The following SCAMP5 variants were observed in gnomAD, a reference collection of about 807,000 sequenced individuals.
SCAMP5 encodes the protein secretory carrier-associated membrane protein 5.
SCAMP5 carries 7 observed loss-of-function variants against 28.3 expected under a neutral mutation model. The ratio of observed to expected loss-of-function variants is 0.25; its 90% CI spans 0.14 to 0.46. SCAMP5 has a LOEUF of 0.46. Among genes scored for constraint, SCAMP5 ranks in the 20% least tolerant of loss-of-function variants. SCAMP5 has a pLI of 0.99. For synonymous variants in SCAMP5, 117 were observed against 116.4 expected (o/e 1.00, Z -0.03); for missense variants, 192 against 312.5 (o/e 0.61, Z 2.91).
intron 1 of SCAMP5, among the ~76,000 whole-genome samples, chr15:74,999,782 C>T (rs1421934843): frequency 6.6e-6 from 1 of 152,142 alleles, no homozygotes; most frequent in Non-Finnish European, 1.5e-5. Context: ...AGCCTGCTGA[C>T]AGAGAGAGAC....
chr15:75,013,306 T>A (rs997393449), intron 3 of SCAMP5, among the ~76,000 whole-genome samples: 30 of 152,222 alleles, frequency 2.0e-4, no homozygotes, highest in Non-Finnish European at 4.3e-4. Context: ...GCCTGGTCAC[T>A]GTGCTTGCCA....
At position 75,019,411 on chromosome 15, in the gene SCAMP5, TC is replaced by T. The variant is rs2065887606; in HGVS notation, c.*430del. 2 of 149,550 alleles carry T rather than the reference TC, an allele frequency of 1.3e-5. No homozygotes were observed. Among genetic ancestry groups the T allele is most frequent in the Non-Finnish European group, 3.0e-5 (2 of 67,102 alleles). 9.3% of individuals were successfully genotyped at this position (149,550 alleles called of 1,614,324 possible). On this transcript the variant is annotated 3_prime_UTR_variant, in exon 7 of 7. Coordinates refer to ENST00000425597, the MANE Select transcript of SCAMP5 (RefSeq NM_138967.4). ...AGGCATAGCAGAAAGACTGGCCCCT[TC>T]CTAGGGTTATGAGCTGGAACTGTTT...
chr15:75,016,287 G>A (rs547011623), intron 3 of SCAMP5, among the ~76,000 whole-genome samples: 2 of 152,254 alleles, frequency 1.3e-5, no homozygotes, highest in South Asian at 4.1e-4. Flanking sequence ...TGGGTGCTGG[G>A]GTTGAGGGGT....
rs1447489663 is a variant in SCAMP5 at position 75,019,520 on chromosome 15, C to T, written c.*537C>T. 1 of 152,808 alleles carries T rather than the reference C, an allele frequency of 6.5e-6. No homozygotes were observed. Among genetic ancestry groups the T allele is most frequent in the Non-Finnish European group, 1.5e-5 (1 of 68,212 alleles). 9.5% of individuals were successfully genotyped at this position (152,808 alleles called of 1,614,324 possible). ...GGGTGGGTACAGGCCAGGGATATTC[C>T]CTTGCTCTTTTGATCCCTCCAGGCC... On this transcript the variant is annotated 3_prime_UTR_variant, in exon 7 of 7. Coordinates refer to ENST00000425597, the MANE Select transcript of SCAMP5 (RefSeq NM_138967.4).
At chr15:75,012,871 G>C in intron 3 of SCAMP5, 66 bp downstream of exon 3, 1 of 1,546,894 alleles carries the variant, frequency 6.5e-7, no homozygotes, top group South Asian at 1.1e-5. Context: ...GGCGTGCTGG[G>C]CAGCGGGGTG....
chr15:75,013,294 T>A (rs117130875), intron 3 of SCAMP5, among the ~76,000 whole-genome samples: 1,707 of 152,244 alleles, frequency 0.011, 16 homozygotes, highest in Non-Finnish European at 0.017. Flanking sequence ...GGGATCAAGT[T>A]TGCCTGGTCA....
In SCAMP5 at chr15:75,011,860, C is replaced by G; in HGVS notation, c.7+14C>G. 1 of 1,610,536 alleles carries G rather than the reference C, an allele frequency of 6.2e-7. No individual in the cohort carries two copies. The highest frequency in any genetic ancestry group is 1.1e-5 in the South Asian group (1 of 90,916). Reference sequence around the variant, plus strand: ...ACATCATGGCAGGTAAGGAGAGGGGCAGGCTGTGTGGGTAGGACATGACAG... The same window carrying G: ...ACATCATGGCAGGTAAGGAGAGGGGGAGGCTGTGTGGGTAGGACATGACAG... On this transcript the variant is annotated intron_variant, in intron 2 of 6. Transcript: ENST00000425597.
At chr15:75,004,594 A>T (rs2065738698) in intron 1 of SCAMP5, among the ~76,000 whole-genome samples, 1 of 152,040 alleles carries the variant, frequency 6.6e-6, no homozygotes, top group Admixed American at 6.6e-5. Flanking sequence ...GCTGGGCATG[A>T]TGGCACACAC....
chr15:74,997,117 T>C (rs2065660710), intron 1 of SCAMP5: 1 of 152,250 alleles, frequency 6.6e-6, no homozygotes, highest in African/African-American at 2.4e-5. Flanking sequence ...TGACCTCCCT[T>C]GAGGATGCTC....
chr15:75,005,981 C>CTTT lies in SCAMP5; in HGVS notation c.-48-5792_-48-5790dup, dbSNP rs527501720. ...CCTCAAGTGATCCGCCTCGGCCTCC[C>CTTT]TTTTTTTTTTTTTTTTTTTTTGCTT... is the stretch of plus-strand genomic sequence containing the variant. On this transcript the variant is annotated intron_variant, in intron 1 of 6. Coordinates refer to ENST00000425597, the MANE Select transcript of SCAMP5 (RefSeq NM_138967.4). Among the ~76,000 whole-genome samples the CTTT allele has an allele frequency of 5.9e-3, 479 of 80,908 alleles. 8 individuals are homozygous for CTTT. Among genetic ancestry groups the CTTT allele is most frequent in the African/African-American group, 0.021 (395 of 18,684 alleles). 53.1% of individuals were successfully genotyped at this position (80,908 alleles called of 152,430 possible).
At chr15:75,009,130 A>C (rs192828246) in intron 1 of SCAMP5, among the ~76,000 whole-genome samples, 3 of 152,226 alleles carry the variant, frequency 2.0e-5, no homozygotes, top group African/African-American at 4.8e-5. Flanking sequence ...TCTTTTTAAA[A>C]TTTTTAACAG....
intron 3 of SCAMP5, chr15:75,013,129 T>A (rs1595887441): frequency 3.8e-6 from 1 of 260,400 alleles, no homozygotes; most frequent in Non-Finnish European, 7.3e-6. Context: ...CCCTTTCCCT[T>A]CCACTGGAGT....
chr15:75,011,089 C>T (rs965027575), intron 1 of SCAMP5, among the ~76,000 whole-genome samples: 6 of 152,036 alleles, frequency 3.9e-5, no homozygotes, highest in Non-Finnish European at 8.8e-5. Flanking sequence ...CCTGTAGTTC[C>T]AGCTACTCAG....
chr15:74,998,929 G>A (rs1024090308), intron 1 of SCAMP5, among the ~76,000 whole-genome samples: 1 of 152,174 alleles, frequency 6.6e-6, no homozygotes, highest in Non-Finnish European at 1.5e-5. Context: ...TTAGGCTGGA[G>A]CCCGGTTAGG....
intron 3 of SCAMP5, among the ~76,000 whole-genome samples, chr15:75,016,285 G>C (rs972646075): frequency 6.6e-6 from 1 of 152,122 alleles, no homozygotes; most frequent in Non-Finnish European, 1.5e-5. Context: ...AGTGGGTGCT[G>C]GGGTTGAGGG....
At chr15:75,000,682 C>CGTTTT (rs1567017077) in intron 1 of SCAMP5, among the ~76,000 whole-genome samples, 1 of 88,354 alleles carries the variant, frequency 1.1e-5, no homozygotes, top group Admixed American at 1.4e-4. Context: ...TCGCACCCAG[C>CGTTTT]CTTTTTTTTT....
chr15:75,021,295 G>A lies in SCAMP5; in HGVS notation c.*2312G>A, dbSNP rs2065901950. 6.6e-6 allele frequency: 1 copy of A among 152,268 alleles called. No homozygotes were observed. The allele number at this position is 152,268 out of a possible 1,614,324, so 9.4% of individuals were successfully genotyped here. On this transcript the variant is annotated 3_prime_UTR_variant, in exon 7 of 7. Transcript: ENST00000425597. Reference sequence around the variant, plus strand: ...GGGCACACATTCATCTTTGTAGGAAGGTCTGGCCTGGGGTCGGGTGAAGGA... The same window carrying A: ...GGGCACACATTCATCTTTGTAGGAAAGTCTGGCCTGGGGTCGGGTGAAGGA...
chr15:75,014,878 A>G (rs1312655112), intron 3 of SCAMP5, among the ~76,000 whole-genome samples: 2 of 152,188 alleles, frequency 1.3e-5, no homozygotes, highest in Non-Finnish European at 2.9e-5. Flanking sequence ...CTATATAAAG[A>G]GCAAATAAAA....
intron 1 of SCAMP5, among the ~76,000 whole-genome samples, chr15:75,006,306 T>C (rs1292210260): frequency 6.6e-6 from 1 of 151,700 alleles, no homozygotes; most frequent in Non-Finnish European, 1.5e-5. Context: ...CCTCCCTCTC[T>C]TTTAAAAAAT....
Sources: gnomAD v4.1 joint callset for allele counts (sites outside exome capture counted in the v4.1 genomes callset) on GRCh38, gnomAD v4.1.1 for gene constraint, MANE v1.5 for transcripts, NCBI Gene and HGNC (gene_info 2026-07-23, HGNC 2026-07-21) for gene names.